The following ZFR2 variants were observed in gnomAD, a reference collection of about 807,000 sequenced individuals.
ZFR2 encodes zinc finger RNA binding protein 2, also known as zinc finger RNA-binding protein 2.
In ZFR2, 104 loss-of-function variants were observed where a neutral mutation model predicts 105.7. The observed-to-expected ratio is 0.98, with a 90% confidence interval of 0.84 to 1.16. The LOEUF is 1.16. Ranked by LOEUF, ZFR2 falls within the 50% of genes most tolerant of loss-of-function variation. The pLI, the probability that ZFR2 is intolerant of heterozygous loss-of-function variation, is 0.00. For synonymous variants in ZFR2, 634 were observed against 597.7 expected (o/e 1.06, Z -0.89); for missense variants, 1,425 against 1,355.5 (o/e 1.05, Z -0.80).
At chr19:3,830,437 A>G (rs927527028) in intron 5 of ZFR2, among the ~76,000 whole-genome samples, 3 of 152,200 alleles carry the variant, frequency 2.0e-5, no homozygotes, top group African/African-American at 7.2e-5. Flanking sequence ...CTTTGTCTCC[A>G]AAAGAAACTC....
intron 1 of ZFR2, among the ~76,000 whole-genome samples, chr19:3,850,472 G>T (rs1485031817): frequency 6.6e-6 from 1 of 152,054 alleles, no homozygotes; most frequent in East Asian, 1.9e-4. Context: ...CAATTCTTAT[G>T]TTGAAGCCCT....
chr19:3,817,606 AATT>A (rs201700615), intron 12 of ZFR2, among the ~76,000 whole-genome samples: 3,354 of 105,154 alleles, frequency 0.032, 111 homozygotes, highest in East Asian at 0.18. Flanking sequence ...TAATAATAAT[AATT>A]AGCTGGGTGT....
At chr19:3,832,636 T>G (rs555271027) in intron 3 of ZFR2, among the ~76,000 whole-genome samples, 4 of 148,844 alleles carry the variant, frequency 2.7e-5, no homozygotes, top group African/African-American at 1.0e-4. Flanking sequence ...TTGTTTTTTT[T>G]TTTTATTTTT....
chr19:3,820,629 C>T (rs908492721), intron 10 of ZFR2, among the ~76,000 whole-genome samples: 7 of 152,064 alleles, frequency 4.6e-5, no homozygotes, highest in Non-Finnish European at 1.0e-4. Context: ...AGGATGGACA[C>T]AGGGGACACT....
intron 16 of ZFR2, among the ~76,000 whole-genome samples, chr19:3,809,579 C>T (rs962139744): frequency 6.6e-6 from 1 of 152,204 alleles, no homozygotes; most frequent in African/African-American, 2.4e-5. Context: ...AGGACAGCCG[C>T]ACACCGGTCA....
chr19:3,850,615 C>T (rs1008300805), intron 1 of ZFR2, among the ~76,000 whole-genome samples: 1 of 151,926 alleles, frequency 6.6e-6, no homozygotes, highest in Admixed American at 6.6e-5. Flanking sequence ...GGCACAGTGG[C>T]TCACACCTCT....
chr19:3,849,102 T>C (rs2038211073), intron 1 of ZFR2, among the ~76,000 whole-genome samples: 2 of 152,324 alleles, frequency 1.3e-5, no homozygotes, highest in South Asian at 4.1e-4. Flanking sequence ...GCTCCATTCT[T>C]CTCTGGCTTC....
chr19:3,820,431 G>A (rs1033296899), intron 10 of ZFR2, 141 bp from the exon 11 acceptor site: 2 of 789,248 alleles, frequency 2.5e-6, no homozygotes, highest in Non-Finnish European at 3.9e-6. Flanking sequence ...GCACTGCATG[G>A]GTGCCTGCTG....
Position 3,807,237 on chromosome 19 carries a change from C to T in ZFR2, c.2578G>A (p.Asp860Asn), listed in dbSNP as rs2037706491. Residue 860 changes from aspartate (D) to asparagine (N), a missense_variant, in exon 18 of 19, where the codon GAC becomes AAC. By Grantham distance (23) the Asp-to-Asn change is conservative. Coordinates refer to ENST00000262961, the MANE Select transcript of ZFR2 (RefSeq NM_015174.2). ...ATGGGCTCGAGGGCATCTGTCTGGT[C>T]TCTCTCGCAGGGATCCTGGAGCCCG... ...GPGLQDPCERDQTDALEPMTL... is the reference protein window; with the variant it reads ...GPGLQDPCERNQTDALEPMTL... The T allele has an allele frequency of 1.2e-5, 19 of 1,561,272 alleles. No individual in the cohort carries two copies. Among genetic ancestry groups the T allele is most frequent in the Non-Finnish European group, 1.6e-5 (18 of 1,152,042 alleles).
chr19:3,810,676 A>G, intron 16 of ZFR2, 74 bp downstream of exon 16: 1 of 1,384,684 alleles, frequency 7.2e-7, no homozygotes, highest in Non-Finnish European at 9.7e-7. Flanking sequence ...TCTGTCTCTC[A>G]GCCTGGGCCT....
intron 13 of ZFR2, among the ~76,000 whole-genome samples, 189 bp downstream of exon 13, chr19:3,816,485 A>T (rs2037825632): frequency 1.3e-5 from 2 of 152,012 alleles, no homozygotes; most frequent in Non-Finnish European, 2.9e-5. Context: ...ACCTCAAGCG[A>T]TCCACCTGCC....
chr19:3,842,320 ACT>A (rs1204110632), intron 1 of ZFR2, among the ~76,000 whole-genome samples: 1 of 152,014 alleles, frequency 6.6e-6, no homozygotes, highest in Non-Finnish European at 1.5e-5. Context: ...GGCCAGAGTA[ACT>A]CTACCATAGC....
chr19:3,832,585 G>T (rs1022151316), intron 3 of ZFR2, among the ~76,000 whole-genome samples: 2 of 151,706 alleles, frequency 1.3e-5, no homozygotes, highest in African/African-American at 4.8e-5. Context: ...CTCGCAAAGT[G>T]CTGGGATTAC....
intron 1 of ZFR2, among the ~76,000 whole-genome samples, chr19:3,861,299 TA>T (rs1177696291): frequency 6.6e-6 from 1 of 152,140 alleles, no homozygotes; most frequent in Non-Finnish European, 1.5e-5. Flanking sequence ...ATGTACAAAT[TA>T]ACTTTCTAGC....
intron 14 of ZFR2, among the ~76,000 whole-genome samples, chr19:3,811,771 C>T (rs1369994582): frequency 1.4e-5 from 2 of 144,900 alleles, no homozygotes; most frequent in Non-Finnish European, 3.0e-5. Flanking sequence ...TTATTTTTTA[C>T]GTATTTAGAG....
At position 3,827,952 on chromosome 19, in the gene ZFR2, C is replaced by A. The variant is rs1205442952; in HGVS notation, c.853-299G>T. ...TCTCCCGCCTCAGCCTCCTAAGTAC[C>A]TGGGACTACAGGCGGGTGCCACCAC... On this transcript the variant is annotated intron_variant, in intron 5 of 18. Coordinates refer to ENST00000262961, the MANE Select transcript of ZFR2 (RefSeq NM_015174.2). 4.9e-4 allele frequency among the ~76,000 whole-genome samples: 74 copies of A among 151,646 alleles called. 1 individual carries two copies. Among genetic ancestry groups the A allele is most frequent in the Non-Finnish European group, 1.5e-5 (1 of 67,950 alleles).
chr19:3,807,335 C>T, intron 17 of ZFR2, 66 bp from the exon 18 acceptor site: 17 of 1,259,888 alleles, frequency 1.3e-5, no homozygotes, highest in Non-Finnish European at 1.9e-5. Context: ...GGTGACAGGG[C>T]CGTCCCTCGA....
intron 6 of ZFR2, among the ~76,000 whole-genome samples, chr19:3,825,858 G>A (rs1277089937): frequency 2.0e-5 from 3 of 152,134 alleles, no homozygotes; most frequent in South Asian, 4.1e-4. Context: ...ACATGGTCAC[G>A]TCCGTATTCT....
intron 3 of ZFR2, among the ~76,000 whole-genome samples, chr19:3,832,984 C>T (rs983095164): frequency 7.3e-5 from 11 of 151,404 alleles, no homozygotes; most frequent in African/African-American, 2.2e-4. Context: ...CAGTGGCTCA[C>T]GCCTGTAATC....
Sources: allele counts gnomAD v4.1 joint callset (sites outside exome capture counted in the v4.1 genomes callset), GRCh38; gene constraint gnomAD v4.1.1; transcripts MANE v1.5; gene names NCBI Gene and HGNC (gene_info 2026-07-23, HGNC 2026-07-21).